Variants in TRHDE observed in about 807,000 individuals in gnomAD.
The protein encoded by TRHDE is thyrotropin releasing hormone degrading enzyme, also known as thyrotropin-releasing hormone-degrading ectoenzyme.
In TRHDE, 72 loss-of-function variants were observed where a neutral mutation model predicts 125.7. That is an observed-to-expected ratio of 0.57 (90% CI 0.47 to 0.70). The LOEUF is 0.70. TRHDE is among the 30% of genes least tolerant of loss of function. The pLI is 0.00. For synonymous variants in TRHDE, 509 were observed against 509.1 expected (o/e 1.00, Z 0.00); for missense variants, 1,110 against 1,327.1 (o/e 0.84, Z 2.54).
intron 2 of TRHDE, among the ~76,000 whole-genome samples, chr12:72,150,848 G>T (rs369412819): frequency 6.6e-6 from 1 of 151,852 alleles, no homozygotes; most frequent in Admixed American, 6.6e-5. Context: ...GAATAGTGCC[G>T]CAATAAACAT....
chr12:72,508,001 G>A (rs904127535), intron 6 of TRHDE, among the ~76,000 whole-genome samples: 4 of 152,340 alleles, frequency 2.6e-5, no homozygotes, highest in Middle Eastern at 3.4e-3. Flanking sequence ...GCTTCCATGT[G>A]GTGTTAAGCC....
At chr12:72,099,682 T>C (rs1875022648) in intron 1 of TRHDE, among the ~76,000 whole-genome samples, 1 of 152,154 alleles carries the variant, frequency 6.6e-6, no homozygotes, top group Admixed American at 6.5e-5. Flanking sequence ...TCAGACTCTG[T>C]TTTTTAGGTT....
chr12:72,162,381 C>T, intron 2 of TRHDE, among the ~76,000 whole-genome samples: 1 of 152,130 alleles, frequency 6.6e-6, no homozygotes, highest in East Asian at 1.9e-4. Context: ...GAGATGGTTT[C>T]CTGATCCAGA....
At chr12:72,423,423 A>G (rs1874046975) in intron 3 of TRHDE, among the ~76,000 whole-genome samples, 2 of 152,184 alleles carry the variant, frequency 1.3e-5, no homozygotes, top group Admixed American at 1.3e-4. Context: ...ACCACCAGTC[A>G]AAAATTCTGT....
At chr12:72,476,490 A>G (rs1199554531) in intron 5 of TRHDE, among the ~76,000 whole-genome samples, 1 of 152,226 alleles carries the variant, frequency 6.6e-6, no homozygotes, top group Non-Finnish European at 1.5e-5. Flanking sequence ...GGACAAGAGT[A>G]ATGGCTGTGT....
chr12:72,657,259 A>C (rs1042527436), intron 18 of TRHDE, among the ~76,000 whole-genome samples: 4 of 152,150 alleles, frequency 2.6e-5, no homozygotes, highest in Admixed American at 6.5e-5. Context: ...CCCACAATCC[A>C]CTTCAGAGAT....
chr12:72,500,453 G>A (rs561505632), intron 6 of TRHDE, among the ~76,000 whole-genome samples: 27 of 151,984 alleles, frequency 1.8e-4, no homozygotes, highest in South Asian at 8.3e-4. Context: ...GTGCAGTGAC[G>A]CCATCTTGGC....
intron 13 of TRHDE, among the ~76,000 whole-genome samples, chr12:72,619,830 T>C (rs1872970998): frequency 6.6e-6 from 1 of 152,158 alleles, no homozygotes; most frequent in African/African-American, 2.4e-5. Context: ...TATACTGTAC[T>C]AATTAACATA....
chr12:72,281,275 T>C (rs1280369819), intron 1 of TRHDE, among the ~76,000 whole-genome samples: 4 of 152,188 alleles, frequency 2.6e-5, no homozygotes, highest in African/African-American at 9.6e-5. Context: ...TAATGACTCA[T>C]TGAAGTGCAT....
At chr12:72,490,848 T>C (rs1428581878) in intron 5 of TRHDE, among the ~76,000 whole-genome samples, 1 of 151,190 alleles carries the variant, frequency 6.6e-6, no homozygotes, top group African/African-American at 2.4e-5. Context: ...TGGGAAGATG[T>C]AGTTAAGAGG....
At chr12:72,222,090 A>T (rs1326010570) in intron 2 of TRHDE, among the ~76,000 whole-genome samples, 1 of 152,138 alleles carries the variant, frequency 6.6e-6, no homozygotes, top group Non-Finnish European at 1.5e-5. Flanking sequence ...CAAGGAAGAC[A>T]GAAACTAAAT....
intron 3 of TRHDE, among the ~76,000 whole-genome samples, chr12:72,469,138 C>A (rs925604790): frequency 6.6e-6 from 1 of 152,168 alleles, no homozygotes; most frequent in Admixed American, 6.5e-5. Context: ...AAGTGATTTA[C>A]TAATGTCGCA....
intron 13 of TRHDE, among the ~76,000 whole-genome samples, chr12:72,619,642 A>G (rs898286723): frequency 2.6e-5 from 4 of 152,188 alleles, no homozygotes; most frequent in African/African-American, 9.6e-5. Flanking sequence ...TACACTGCTC[A>G]TGCCACCTAA....
In TRHDE at chr12:72,272,696, A is replaced by G. The variant is rs1181637413; in HGVS notation, c.53A>G (p.Lys18Arg). Residue 18 changes from lysine (K) to arginine (R), a missense_variant, in exon 1 of 19, where the codon AAG becomes AGG. Coordinates refer to ENST00000261180, the MANE Select transcript of TRHDE (RefSeq NM_013381.3). This position sits in a 1 kb window ranked among gnomAD's most constrained non-coding sequence, Gnocchi z 6.7. ...CAAGAGGAGGAGAAGAAAAAGAAGA[A>G]GAAAAAGAAGAGGAAGAAGAAGAAG... is the stretch of plus-strand genomic sequence containing the variant. Reference protein sequence around the residue: ...GEQEEEKKKKKKKKRKKKKEE... With the variant: ...GEQEEEKKKKRKKKRKKKKEE... 443 of 1,376,216 alleles carry G rather than the reference A, an allele frequency of 3.2e-4. No homozygotes were observed. Among genetic ancestry groups the G allele is most frequent in the Non-Finnish European group, 3.8e-4 (396 of 1,048,944 alleles). 85.3% of individuals were successfully genotyped at this position (1,376,216 alleles called of 1,614,324 possible).
At chr12:72,455,575 C>T (rs1875804126) in intron 3 of TRHDE, among the ~76,000 whole-genome samples, 1 of 151,556 alleles carries the variant, frequency 6.6e-6, no homozygotes, top group Admixed American at 6.6e-5. Context: ...ATTTATGTTT[C>T]CAGTAACAAA....
intron 2 of TRHDE, among the ~76,000 whole-genome samples, chr12:72,377,472 T>C (rs946952656): frequency 6.6e-6 from 1 of 152,134 alleles, no homozygotes; most frequent in African/African-American, 2.4e-5. Context: ...CATGAAAAGT[T>C]TTCTATCCCT....
chr12:72,180,558 T>A (rs977401128), intron 2 of TRHDE, among the ~76,000 whole-genome samples: 5 of 152,124 alleles, frequency 3.3e-5, no homozygotes, highest in African/African-American at 1.2e-4. Context: ...CTTATTTTAA[T>A]GTTCCTTTTG....
At chr12:72,194,793 G>T (rs1877407107) in intron 2 of TRHDE, among the ~76,000 whole-genome samples, 1 of 152,158 alleles carries the variant, frequency 6.6e-6, no homozygotes, top group Admixed American at 6.5e-5. Context: ...TGGGTGTTTA[G>T]ATTGACTCTA....
intron 12 of TRHDE, among the ~76,000 whole-genome samples, chr12:72,593,890 C>T (rs1253241279): frequency 6.6e-6 from 1 of 152,154 alleles, no homozygotes; most frequent in Non-Finnish European, 1.5e-5. Context: ...GTATATGTGC[C>T]TCATTTTCTT....
Sources: gnomAD v4.1 joint callset for allele counts (sites outside exome capture counted in the v4.1 genomes callset) on GRCh38, gnomAD v4.1.1 for gene constraint, Gnocchi (gnomAD v3.1) non-coding constraint, MANE v1.5 for transcripts, NCBI Gene and HGNC (gene_info 2026-07-23, HGNC 2026-07-21) for gene names.